The following NPR3 variants were observed in gnomAD, a reference collection of about 807,000 sequenced individuals.
NPR3 encodes the protein atrial natriuretic peptide receptor 3.
Under a neutral mutation model 54.5 loss-of-function variants are expected in NPR3, and 34 were observed. The ratio of observed to expected loss-of-function variants is 0.62; its 90% CI spans 0.47 to 0.83. The LOEUF is 0.83. Ranked by LOEUF, NPR3 falls within the 40% of genes least tolerant of loss-of-function variation. NPR3 has a pLI of 0.00. For missense variants in NPR3, 674 were observed against 720.8 expected, an observed-to-expected ratio of 0.94 and a Z score of 0.74; for synonymous variants, 289 against 297.1, an observed-to-expected ratio of 0.97 and a Z score of 0.28.
chr5:32,719,949 G>T (rs1579600804), intron 1 of NPR3, among the ~76,000 whole-genome samples: 1 of 152,046 alleles, frequency 6.6e-6, no homozygotes. Context: ...TTCTAAATTT[G>T]TAATTAACTG....
chr5:32,692,849 G>T (rs1365603243), intron 1 of NPR3, among the ~76,000 whole-genome samples: 1 of 152,182 alleles, frequency 6.6e-6, no homozygotes, highest in Non-Finnish European at 1.5e-5. Context: ...GATTGGGGGT[G>T]GTGGCTCACG....
chr5:32,750,653 T>C (rs2111980450), intron 3 of NPR3, among the ~76,000 whole-genome samples: 1 of 152,218 alleles, frequency 6.6e-6, no homozygotes, highest in South Asian at 2.1e-4. Flanking sequence ...GGAATAATCT[T>C]ATCAAAGCAG....
chr5:32,700,171 G>A (rs1456450844), intron 1 of NPR3, among the ~76,000 whole-genome samples: 2 of 152,046 alleles, frequency 1.3e-5, no homozygotes, highest in African/African-American at 4.8e-5. Context: ...AATGTCTCAA[G>A]TTCTTTTTTG....
chr5:32,764,134 A>C (rs898511939), intron 3 of NPR3, among the ~76,000 whole-genome samples: 2 of 152,020 alleles, frequency 1.3e-5, no homozygotes, highest in African/African-American at 4.8e-5. Context: ...TTCTCAGCCT[A>C]CCCTCTTTCT....
intron 2 of NPR3, among the ~76,000 whole-genome samples, chr5:32,735,616 G>C (rs916059220): frequency 1.3e-5 from 2 of 152,032 alleles, no homozygotes; most frequent in East Asian, 3.9e-4. Flanking sequence ...GTGAACGCTT[G>C]GTGTCTCCCC....
intron 1 of NPR3, among the ~76,000 whole-genome samples, chr5:32,700,461 T>C (rs1196102950): frequency 6.6e-6 from 1 of 152,122 alleles, no homozygotes; most frequent in Non-Finnish European, 1.5e-5. Flanking sequence ...GTTTGTTACA[T>C]AGGTATACAT....
Position 32,728,837 on chromosome 5 carries a change from G to GTATATATATA in NPR3, c.892+4047_892+4056dup, listed in dbSNP as rs70961659. Among the ~76,000 whole-genome samples, 48 of 47,968 alleles carry GTATATATATA rather than the reference G, an allele frequency of 1.0e-3. 1 individual carries two copies. Among genetic ancestry groups the GTATATATATA allele is most frequent in the East Asian group, 4.3e-3 (4 of 930 alleles). 31.5% of individuals were successfully genotyped at this position (47,968 alleles called of 152,430 possible). On this transcript the variant is annotated intron_variant, in intron 2 of 7. Transcript: ENST00000265074. ...TATTTGTGTGTGTGTGTGTGTGTGTGTATATATATATATATATATATATAT... is the reference window on the plus strand; with the variant it reads ...TATTTGTGTGTGTGTGTGTGTGTGTGTATATATATATATATATATATATATATATATATAT...
chr5:32,721,719 G>A (rs1487168849), intron 1 of NPR3, among the ~76,000 whole-genome samples: 1 of 152,200 alleles, frequency 6.6e-6, no homozygotes, highest in Non-Finnish European at 1.5e-5. Flanking sequence ...GGACTTGGTG[G>A]TGGTGGGGTA....
At chr5:32,692,700 C>A (rs1165468470) in intron 1 of NPR3, among the ~76,000 whole-genome samples, 1 of 152,190 alleles carries the variant, frequency 6.6e-6, no homozygotes, top group Non-Finnish European at 1.5e-5. Flanking sequence ...TATCTCACAA[C>A]ATTGCACATC....
chr5:32,724,650 G>A, intron 1 of NPR3, 48 bp from the exon 2 acceptor site: 3 of 1,610,224 alleles, frequency 1.9e-6, no homozygotes, highest in Admixed American at 1.7e-5. Context: ...CATGCTCGAA[G>A]TGCTCTGCAA....
At chr5:32,762,231 G>C (rs747542873) in intron 3 of NPR3, among the ~76,000 whole-genome samples, 1 of 152,034 alleles carries the variant, frequency 6.6e-6, no homozygotes, top group Non-Finnish European at 1.5e-5. Flanking sequence ...CTTTGCTGTT[G>C]TGAACAGTGC....
At chr5:32,728,820 T>A (rs999547722) in intron 2 of NPR3, among the ~76,000 whole-genome samples, 1 of 36,710 alleles carries the variant, frequency 2.7e-5, no homozygotes, top group Non-Finnish European at 4.7e-5. Context: ...AATATTTGTG[T>A]GTGTGTGTGT....
intron 4 of NPR3, among the ~76,000 whole-genome samples, chr5:32,779,205 T>C (rs114766214): frequency 0.011 from 1,611 of 152,308 alleles, 28 homozygotes; most frequent in African/African-American, 0.037. Context: ...ACATTCATTT[T>C]ACTTGAGGAG....
chr5:32,786,171 T>C lies in NPR3; in HGVS notation c.1515-63T>C. 5.7e-6 allele frequency: 4 copies of C among 704,648 alleles called. No homozygotes were observed. The South Asian group carries it at 7.0e-5, about 12-fold the overall frequency. The allele number at this position is 704,648 out of a possible 1,614,324, so 43.6% of individuals were successfully genotyped here. ...AGATGTCCCTTGAGGGCACTCTTTG[T>C]AAGAGAAACCATGGTATTTTGTAGC... is the stretch of plus-strand genomic sequence containing the variant. On this transcript the variant is annotated intron_variant, in intron 7 of 7. Coordinates refer to ENST00000265074, the MANE Select transcript of NPR3 (RefSeq NM_001204375.2).
chr5:32,711,348 G>A lies in NPR3; in HGVS notation c.-429G>A, dbSNP rs1738211614. 7.1e-6 allele frequency: 7 copies of A among 989,216 alleles called. No individual in the cohort carries two copies. The highest frequency in any genetic ancestry group is 7.2e-6 in the Non-Finnish European group (6 of 832,724). 61.3% of individuals were successfully genotyped at this position (989,216 alleles called of 1,614,324 possible). Reference sequence around the variant, plus strand: ...CGCGAATCAATGAGATCAAATGCGAGGGAGATGCACCGTCAATTACAAACA... The same window carrying A: ...CGCGAATCAATGAGATCAAATGCGAAGGAGATGCACCGTCAATTACAAACA... On this transcript the variant is annotated 5_prime_UTR_variant, in exon 1 of 8. Transcript: ENST00000265074.
At chr5:32,754,354 T>C (rs150842505) in intron 3 of NPR3, among the ~76,000 whole-genome samples, 2 of 152,074 alleles carry the variant, frequency 1.3e-5, no homozygotes, top group Non-Finnish European at 2.9e-5. Flanking sequence ...AGGGTTTTTT[T>C]TTTCTTTTTT....
In NPR3 at chr5:32,786,071, T is replaced by A. The variant is rs544352427; in HGVS notation, c.1515-163T>A. On this transcript the variant is annotated intron_variant, in intron 7 of 7. Coordinates refer to ENST00000265074, the MANE Select transcript of NPR3 (RefSeq NM_001204375.2). ...TTTTCTCTCTTGAATAAGGGCACCATGCCTGGGGGCACACTACTTTAATCT... is the reference window on the plus strand; with the variant it reads ...TTTTCTCTCTTGAATAAGGGCACCAAGCCTGGGGGCACACTACTTTAATCT... 3.3e-5 allele frequency among the ~76,000 whole-genome samples: 5 copies of A among 152,380 alleles called. No homozygotes were observed. The East Asian group carries it at 9.6e-4, about 29-fold the overall frequency.
At chr5:32,733,107 A>G (rs1739550421) in intron 2 of NPR3, among the ~76,000 whole-genome samples, 1 of 152,132 alleles carries the variant, frequency 6.6e-6, no homozygotes, top group African/African-American at 2.4e-5. Flanking sequence ...GGCCTCCCAA[A>G]GTGCTGGGAT....
intron 1 of NPR3, among the ~76,000 whole-genome samples, chr5:32,720,111 A>T (rs1488978727): frequency 6.6e-6 from 1 of 152,210 alleles, no homozygotes; most frequent in Non-Finnish European, 1.5e-5. Context: ...AATCACATAT[A>T]GTGCCATTTA....
Sources: allele counts gnomAD v4.1 joint callset (sites outside exome capture counted in the v4.1 genomes callset), GRCh38; gene constraint gnomAD v4.1.1; transcripts MANE v1.5; gene names NCBI Gene and HGNC (gene_info 2026-07-23, HGNC 2026-07-21).